MRPS12: variants seen among roughly 807,000 people sequenced by gnomAD.
MRPS12 encodes small ribosomal subunit protein uS12m.
MRPS12 carries 7 observed loss-of-function variants against 8.4 expected under a neutral mutation model. The observed-to-expected ratio is 0.83, with a 90% CI of 0.47 to 1.56. MRPS12 has a LOEUF of 1.56. Among genes scored for constraint, MRPS12 ranks in the 40% most tolerant of loss-of-function variants. The pLI is 0.01. For synonymous variants in MRPS12, 84 were observed against 84.1 expected, an observed-to-expected ratio of 1.00 and a Z score of 0.01; for missense variants, 200 against 194.1, an observed-to-expected ratio of 1.03 and a Z score of -0.18.
In MRPS12 at chr19:38,931,330, G is replaced by A. The variant is rs370889339; in HGVS notation, c.36G>A (p.Thr12=). 6.9e-5 allele frequency: 111 copies of A among 1,600,618 alleles called. No individual in the cohort carries two copies. The East Asian group carries it at 2.5e-3, about 36-fold the overall frequency. The stretch of plus-strand genomic sequence containing the variant: ...CTGGCCTTCTCCATGGCCTCAACAC[G>A]TCCCTAACTTGTGGTAAGTGGGGGA... The part of the protein sequence containing the change: ...SWSGLLHGLN[T]SLTCGPALVP... Residue 12 remains threonine, a synonymous_variant, in exon 2 of 3, where the codon ACG becomes ACA. Transcript: ENST00000308018.
At position 38,930,947 on chromosome 19, in the gene MRPS12, G is replaced by T; in HGVS notation, c.-71G>T. ...CCCTGCACGGATAGCGCCCGGAAGA[G>T]GCTAGAAGCTGGATTCAGCGTGTCC... is the stretch of plus-strand genomic sequence containing the variant. On this transcript the variant is annotated 5_prime_UTR_variant, in exon 1 of 3. In the 5' UTR this introduces an upstream ATG that the reference lacks. Transcript: ENST00000308018. 1 of 641,600 alleles carries T rather than the reference G, an allele frequency of 1.6e-6. No individual in the cohort carries two copies. 39.7% of individuals were successfully genotyped at this position (641,600 alleles called of 1,614,324 possible). A position where few individuals can be genotyped will look rare whatever the true frequency, so the allele number is the denominator to read the frequency against.
In MRPS12 at chr19:38,932,807, C is replaced by T; in HGVS notation, c.*107C>T. 1 of 1,451,186 alleles carries T rather than the reference C, an allele frequency of 6.9e-7. No homozygotes were observed. The highest frequency in any genetic ancestry group is 9.2e-7 in the Non-Finnish European group (1 of 1,081,464). The allele number at this position is 1,451,186 out of a possible 1,614,324, so 89.9% of individuals were successfully genotyped here. Reference sequence around the variant, plus strand: ...GCCTTTGCGCCTCTAGAGGCAGCCACTCATGGATTCAAGTCCTGGCTCCGC... The same window carrying T: ...GCCTTTGCGCCTCTAGAGGCAGCCATTCATGGATTCAAGTCCTGGCTCCGC... On this transcript the variant is annotated 3_prime_UTR_variant, in exon 3 of 3. Transcript: ENST00000308018.
intron 1 of MRPS12, 100 bp downstream of exon 1, chr19:38,931,098 C>T (rs1974739002): frequency 4.6e-6 from 3 of 646,076 alleles, no homozygotes; most frequent in Non-Finnish European, 8.2e-6. Flanking sequence ...CTCGGGAACC[C>T]ACTCAGAGCG....
chr19:38,932,982 G>C lies in MRPS12; in HGVS notation c.*282G>C. ...ACACTGTACTGCCCTCTGCTGGGAA[G>C]GGGTTTTAATAAACAGACCCTGGCG... On this transcript the variant is annotated 3_prime_UTR_variant, in exon 3 of 3. Coordinates refer to ENST00000308018, the MANE Select transcript of MRPS12 (RefSeq NM_033362.4). The C allele has an allele frequency of 2.5e-6, 1 of 404,222 alleles. No homozygotes were observed. Among genetic ancestry groups the C allele is most frequent in the Non-Finnish European group, 4.5e-6 (1 of 224,344 alleles). 25.0% of individuals were successfully genotyped at this position (404,222 alleles called of 1,614,324 possible). A position where few individuals can be genotyped will look rare whatever the true frequency, so the allele number is the denominator to read the frequency against.
intron 2 of MRPS12, 131 bp downstream of exon 2, chr19:38,931,474 A>G (rs763250463): frequency 2.2e-5 from 19 of 848,488 alleles, no homozygotes; most frequent in Non-Finnish European, 3.3e-5. Context: ...TGGCAGAGCT[A>G]GGGCTGCTAG....
At position 38,932,594 on chromosome 19, in the gene MRPS12, A is replaced by C. The variant is rs1362265959; in HGVS notation, c.311A>C (p.Glu104Ala). Reference sequence around the variant, plus strand: ...CCTGGGGAGGGCCACACCCTGCAGGAGCACCAGATTGTCCTTGTGGAGGGC... The same window carrying C: ...CCTGGGGAGGGCCACACCCTGCAGGCGCACCAGATTGTCCTTGTGGAGGGC... ...FIPGEGHTLQ[E>A]HQIVLVEGGR... Residue 104 changes from glutamate to alanine, a missense_variant, in exon 3 of 3, where the codon GAG (glutamate) becomes GCG (alanine). By Grantham distance (107) the Glu-to-Ala change is moderately radical. Coordinates refer to ENST00000308018, the MANE Select transcript of MRPS12 (RefSeq NM_033362.4). 1 of 1,613,632 alleles carries C rather than the reference A, an allele frequency of 6.2e-7. No individual in the cohort carries two copies. The highest frequency in any genetic ancestry group is 8.5e-7 in the Non-Finnish European group (1 of 1,179,982).
chr19:38,931,394 T>C, intron 2 of MRPS12, 51 bp downstream of exon 2: 1 of 1,513,140 alleles, frequency 6.6e-7, no homozygotes, highest in Non-Finnish European at 8.9e-7. Flanking sequence ...GGAGGGTTAT[T>C]CGCTCTTGGA....
rs1974735744 is a variant in MRPS12, at chr19:38,930,972, C to T, written c.-46C>T. The stretch of plus-strand genomic sequence containing the variant: ...GGCTAGAAGCTGGATTCAGCGTGTC[C>T]GCGACCTCACCTTTAGGTCCTGTGA... On this transcript the variant is annotated 5_prime_UTR_variant, in exon 1 of 3. Coordinates refer to ENST00000308018, the MANE Select transcript of MRPS12 (RefSeq NM_033362.4). The T allele has an allele frequency of 1.6e-6, 1 of 611,824 alleles. No individual in the cohort carries two copies. The highest frequency in any genetic ancestry group is 1.8e-5 in the African/African-American group (1 of 54,162). The allele number at this position is 611,824 out of a possible 1,614,324, so 37.9% of individuals were successfully genotyped here.
In MRPS12 at chr19:38,932,801, C is replaced by T; in HGVS notation, c.*101C>T. 2 of 1,478,810 alleles carry T rather than the reference C, an allele frequency of 1.4e-6. No homozygotes were observed. The highest frequency in any genetic ancestry group is 1.8e-6 in the Non-Finnish European group (2 of 1,102,870). 91.6% of individuals were successfully genotyped at this position (1,478,810 alleles called of 1,614,324 possible). A position where few individuals can be genotyped will look rare whatever the true frequency, so the allele number is the denominator to read the frequency against. On this transcript the variant is annotated 3_prime_UTR_variant, in exon 3 of 3. Transcript: ENST00000308018. Reference sequence around the variant, plus strand: ...ATGCTGGCCTTTGCGCCTCTAGAGGCAGCCACTCATGGATTCAAGTCCTGG... The same window carrying T: ...ATGCTGGCCTTTGCGCCTCTAGAGGTAGCCACTCATGGATTCAAGTCCTGG...
At position 38,931,150 on chromosome 19, in the gene MRPS12, G is replaced by T. The variant is rs1460047487; in HGVS notation, c.-19-126G>T. Reference sequence around the variant, plus strand: ...GGGACTTTCTGTTAGCAGCATGAGGGCCTGTGGTTAGACCTATAGAGGTAT... The same window carrying T: ...GGGACTTTCTGTTAGCAGCATGAGGTCCTGTGGTTAGACCTATAGAGGTAT... On this transcript the variant is annotated intron_variant, in intron 1 of 2. Transcript: ENST00000308018. 3 of 773,502 alleles carry T rather than the reference G, an allele frequency of 3.9e-6. No homozygotes were observed. The South Asian group carries it at 5.2e-5, about 13-fold the overall frequency. The allele number at this position is 773,502 out of a possible 1,614,324, so 47.9% of individuals were successfully genotyped here.
Position 38,932,334 on chromosome 19 carries a change from C to G in MRPS12, c.51C>G (p.Gly17=), listed in dbSNP as rs755000956. 1 of 1,527,210 alleles carries G rather than the reference C, an allele frequency of 6.5e-7. No individual in the cohort carries two copies. The highest frequency in any genetic ancestry group is 2.1e-5 in the Admixed American group (1 of 47,526). The allele number at this position is 1,527,210 out of a possible 1,614,324, so 94.6% of individuals were successfully genotyped here. ...LHGLNTSLTC[G]PALVPRLWAT... ...ATAACCCCTTTCGGCCCTCTCCAGG[C>G]CCAGCTCTGGTTCCCCGGCTCTGGG... Residue 17 remains glycine (G), a splice_region_variant and synonymous_variant, in exon 3 of 3, where the codon GGC becomes GGG. Coordinates refer to ENST00000308018, the MANE Select transcript of MRPS12 (RefSeq NM_033362.4).
At position 38,932,830 on chromosome 19, in the gene MRPS12, C is replaced by T. The variant is rs1213927099; in HGVS notation, c.*130C>T. ...CACTCATGGATTCAAGTCCTGGCTC[C>T]GCCTCTTCCATCAGGACCACTATTA... On this transcript the variant is annotated 3_prime_UTR_variant, in exon 3 of 3. Coordinates refer to ENST00000308018, the MANE Select transcript of MRPS12 (RefSeq NM_033362.4). 18 of 1,301,650 alleles carry T rather than the reference C, an allele frequency of 1.4e-5. No individual in the cohort carries two copies. Among genetic ancestry groups the T allele is most frequent in the East Asian group, 2.4e-5 (1 of 41,184 alleles). 80.6% of individuals were successfully genotyped at this position (1,301,650 alleles called of 1,614,324 possible).
chr19:38,931,168 A>G (rs1600177174), intron 1 of MRPS12, 108 bp from the exon 2 acceptor site: 2 of 847,914 alleles, frequency 2.4e-6, no homozygotes, highest in Non-Finnish European at 1.9e-6. Flanking sequence ...TTAGACCTAT[A>G]GAGGTATTTC....
In MRPS12 at chr19:38,932,511, C is replaced by T. The variant is rs778254505; in HGVS notation, c.228C>T (p.Ala76=). Residue 76 remains alanine (A), a synonymous_variant, in exon 3 of 3, where the codon GCC becomes GCT. Coordinates refer to ENST00000308018, the MANE Select transcript of MRPS12 (RefSeq NM_033362.4). ...FTRKPKKPNS[A]NRKCCRVRLS... The stretch of plus-strand genomic sequence containing the variant: ...GCAAGCCGAAGAAGCCCAACTCAGC[C>T]AATCGCAAGTGCTGTCGAGTGCGGC... 2 of 1,613,082 alleles carry T rather than the reference C, an allele frequency of 1.2e-6. No homozygotes were observed. The highest frequency in any genetic ancestry group is 8.5e-7 in the Non-Finnish European group (1 of 1,179,306).
rs775716068 is a variant in MRPS12, at chr19:38,932,595, G to A, written c.312G>A (p.Glu104=). The change falls in exon 3 of 3, where the codon GAG becomes GAA. Residue 104 remains glutamate, a synonymous_variant. Transcript: ENST00000308018. ...CTGGGGAGGGCCACACCCTGCAGGA[G>A]CACCAGATTGTCCTTGTGGAGGGCG... is the stretch of plus-strand genomic sequence containing the variant. ...FIPGEGHTLQ[E]HQIVLVEGGR... 26 of 1,613,594 alleles carry A rather than the reference G, an allele frequency of 1.6e-5. No homozygotes were observed. In the Admixed American group the frequency reaches 1.7e-4, roughly 10 times the overall value.
At chr19:38,931,584 C>T (rs1416585050) in intron 2 of MRPS12, 6 of 372,602 alleles carry the variant, frequency 1.6e-5, no homozygotes, top group Non-Finnish European at 2.9e-5. Flanking sequence ...CTCTGTCGCC[C>T]AGGCTGAAGT....
At position 38,932,709 on chromosome 19, in the gene MRPS12, G is replaced by A. The variant is rs776487551; in HGVS notation, c.*9G>A. ...ACGTGCAGAAGAAGTGACGGCTGGG[G>A]GCACAGTGGGCTGGGCGCCCCTGCA... On this transcript the variant is annotated 3_prime_UTR_variant, in exon 3 of 3. Transcript: ENST00000308018. 2.5e-6 allele frequency: 4 copies of A among 1,610,598 alleles called. No individual in the cohort carries two copies. The South Asian group carries it at 4.4e-5, about 18-fold the overall frequency.
intron 2 of MRPS12, among the ~76,000 whole-genome samples, 182 bp from the exon 3 acceptor site, chr19:38,932,148 GAAA>G (rs369390554): frequency 9.0e-6 from 1 of 111,286 alleles, no homozygotes. Context: ...AAAAAAAAAA[GAAA>G]AAAAAAAAAA....
chr19:38,932,610 T>C lies in MRPS12; in HGVS notation c.327T>C (p.Leu109=), dbSNP rs375345620. The C allele has an allele frequency of 1.4e-5, 22 of 1,613,586 alleles. No homozygotes were observed. The highest frequency in any genetic ancestry group is 1.8e-5 in the Non-Finnish European group (21 of 1,180,002). Residue 109 remains leucine, a synonymous_variant, in exon 3 of 3, where the codon CTT becomes CTC. Coordinates refer to ENST00000308018, the MANE Select transcript of MRPS12 (RefSeq NM_033362.4). ...CCCTGCAGGAGCACCAGATTGTCCT[T>C]GTGGAGGGCGGCCGCACCCAGGACC... The part of the protein sequence containing the change: ...GHTLQEHQIV[L]VEGGRTQDLP...
Sources: allele counts gnomAD v4.1 joint callset (sites outside exome capture counted in the v4.1 genomes callset), GRCh38; gene constraint gnomAD v4.1.1; transcripts MANE v1.5; gene names NCBI Gene and HGNC (gene_info 2026-07-23, HGNC 2026-07-21).